COL26A1: variants seen among roughly 807,000 people sequenced by gnomAD.
COL26A1 encodes the protein collagen alpha-1(XXVI) chain.
COL26A1 carries 41 observed loss-of-function variants against 59.3 expected under a neutral mutation model. That is an observed-to-expected ratio of 0.69 (90% confidence interval 0.54 to 0.90). The LOEUF (loss-of-function observed/expected upper bound fraction) is 0.90, where lower values mean the gene tolerates loss of function less well. Ranked by LOEUF, COL26A1 falls within the 40% of genes least tolerant of loss-of-function variation. The pLI is 0.00. For missense variants in COL26A1, 612 were observed against 602.3 expected (o/e 1.02, Z -0.17); for synonymous variants, 266 against 256.0 (o/e 1.04, Z -0.37).
chr7:101,411,917 A>C (rs1319927926), intron 1 of COL26A1, among the ~76,000 whole-genome samples: 2 of 152,162 alleles, frequency 1.3e-5, no homozygotes, highest in African/African-American at 4.8e-5. Context: ...CAACCTGGAC[A>C]ACAGAACAAG....
At chr7:101,397,011 A>G (rs1180068797) in intron 1 of COL26A1, among the ~76,000 whole-genome samples, 1 of 152,166 alleles carries the variant, frequency 6.6e-6, no homozygotes, top group African/African-American at 2.4e-5. Context: ...TGAGGAGCAA[A>G]GACAGGCTCC....
intron 3 of COL26A1, among the ~76,000 whole-genome samples, chr7:101,513,761 A>T (rs1182979881): frequency 6.6e-6 from 1 of 152,244 alleles, no homozygotes; most frequent in East Asian, 1.9e-4. Flanking sequence ...AATAAAAGGC[A>T]AATTGGAAAC....
chr7:101,406,336 TG>T (rs1463818565), intron 1 of COL26A1, among the ~76,000 whole-genome samples: 4 of 152,156 alleles, frequency 2.6e-5, no homozygotes, highest in African/African-American at 7.2e-5. Flanking sequence ...GATCAGGCCA[TG>T]GTGTTACATA....
At chr7:101,528,422 ACCT>A (rs897212499) in intron 3 of COL26A1, among the ~76,000 whole-genome samples, 8 of 151,072 alleles carry the variant, frequency 5.3e-5, no homozygotes, top group Non-Finnish European at 1.0e-4. Flanking sequence ...CCCCATGTCC[ACCT>A]CCTCCTCCTC....
Position 101,534,949 on chromosome 7 carries a change from G to C in COL26A1, c.447+1806G>C, listed in dbSNP as rs181567242. 3.9e-5 allele frequency among the ~76,000 whole-genome samples: 6 copies of C among 152,344 alleles called. No homozygotes were observed. The East Asian group carries it at 1.2e-3, about 29-fold the overall frequency. On this transcript the variant is annotated intron_variant, in intron 4 of 12. Transcript: ENST00000313669. ...TGGTCTAATGCTGACCAGGAGTCAA[G>C]GATTAGTGCTGTCACCCACGCCAGC... is the stretch of plus-strand genomic sequence containing the variant.
chr7:101,460,204 C>CTG (rs1477936989), intron 3 of COL26A1, among the ~76,000 whole-genome samples: 1 of 151,794 alleles, frequency 6.6e-6, no homozygotes, highest in Admixed American at 6.6e-5. Context: ...CCCAGGTGTG[C>CTG]TGTGTGTGTG....
intron 3 of COL26A1, among the ~76,000 whole-genome samples, chr7:101,493,166 A>G (rs1315448438): frequency 6.6e-6 from 1 of 152,220 alleles, no homozygotes; most frequent in African/African-American, 2.4e-5. Flanking sequence ...CTCAAGCCAA[A>G]GTGTGTCTTT....
At chr7:101,367,467 C>T (rs1791073520) in intron 1 of COL26A1, among the ~76,000 whole-genome samples, 1 of 152,042 alleles carries the variant, frequency 6.6e-6, no homozygotes, top group African/African-American at 2.4e-5. Context: ...GAGTTTGAGA[C>T]CAGTCTGGCC....
intron 3 of COL26A1, among the ~76,000 whole-genome samples, chr7:101,468,665 T>C (rs1169769856): frequency 6.6e-6 from 1 of 152,258 alleles, no homozygotes; most frequent in Admixed American, 6.5e-5. Flanking sequence ...TGATGTAGCA[T>C]GTTCGGTGGT....
At chr7:101,460,745 C>G (rs1793590678) in intron 3 of COL26A1, among the ~76,000 whole-genome samples, 1 of 151,674 alleles carries the variant, frequency 6.6e-6, no homozygotes, top group Non-Finnish European at 1.5e-5. Context: ...CATGTCACTG[C>G]ACTCCAGCCT....
At chr7:101,416,080 T>A (rs1792364834) in intron 1 of COL26A1, among the ~76,000 whole-genome samples, 1 of 143,702 alleles carries the variant, frequency 7.0e-6, no homozygotes, top group South Asian at 2.3e-4. Context: ...AATTTTTTTT[T>A]CTTGTTCTTC....
Position 101,549,164 on chromosome 7 carries a change from C to A in COL26A1, c.941-7C>A, listed in dbSNP as rs750559244. 2 of 1,577,084 alleles carry A rather than the reference C, an allele frequency of 1.3e-6. No homozygotes were observed. Among genetic ancestry groups the A allele is most frequent in the Non-Finnish European group, 1.7e-6 (2 of 1,162,578 alleles). ...CCCCAGGTGACCATCTGTGACTCTG[C>A]CCACAGGTCCCCCTGGGCCTCGAGG... On this transcript the variant is annotated splice_region_variant and splice_polypyrimidine_tract_variant and intron_variant, in intron 8 of 12. Coordinates refer to ENST00000313669, the MANE Select transcript of COL26A1 (RefSeq NM_001278563.3).
Position 101,447,704 on chromosome 7 carries a change from C to G in COL26A1, c.302C>G (p.Pro101Arg). The change falls in exon 3 of 13, where the codon CCC (proline) becomes CGC (arginine). Residue 101 changes from proline to arginine, a missense_variant. By Grantham distance (103) the Pro-to-Arg change is moderately radical (BLOSUM62 -2). Transcript: ENST00000313669. Reference sequence around the variant, plus strand: ...GTTAGTTACAGGACTCTGATCAGACCCACCTACAGAGTGTCCTACCGCACG... The same window carrying G: ...GTTAGTTACAGGACTCTGATCAGACGCACCTACAGAGTGTCCTACCGCACG... ...NLVSYRTLIR[P>R]TYRVSYRTVT... 6.2e-7 allele frequency: 1 copy of G among 1,601,896 alleles called. No individual in the cohort carries two copies. The highest frequency in any genetic ancestry group is 8.5e-7 in the Non-Finnish European group (1 of 1,174,232).
chr7:101,417,642 CTATA>C (rs1792406562), intron 1 of COL26A1, among the ~76,000 whole-genome samples: 1 of 34,280 alleles, frequency 2.9e-5, no homozygotes, highest in African/African-American at 4.9e-5. Context: ...AGATATATCT[CTATA>C]TCTAGACATA....
intron 2 of COL26A1, among the ~76,000 whole-genome samples, chr7:101,435,122 C>T (rs1006721258): frequency 2.8e-4 from 43 of 152,190 alleles, no homozygotes; most frequent in Admixed American, 1.9e-3. Flanking sequence ...ATCAGGAGTT[C>T]GAGACCAGCC....
intron 5 of COL26A1, among the ~76,000 whole-genome samples, chr7:101,541,421 T>G (rs1172530743): frequency 6.6e-6 from 1 of 152,146 alleles, no homozygotes; most frequent in Admixed American, 6.6e-5. Flanking sequence ...CATAGTTCAC[T>G]GCAGCCTTCA....
At chr7:101,429,265 A>G (rs1288482229) in intron 2 of COL26A1, among the ~76,000 whole-genome samples, 2 of 151,930 alleles carry the variant, frequency 1.3e-5, no homozygotes, top group Non-Finnish European at 2.9e-5. Context: ...TCTGTTTCAC[A>G]TTTAAATTCA....
At chr7:101,551,225 G>GGT in intron 10 of COL26A1, 82 bp downstream of exon 10, 2 of 339,578 alleles carry the variant, frequency 5.9e-6, no homozygotes, top group Non-Finnish European at 9.6e-6. Context: ...GGTGGCGGGG[G>GGT]TTGGTGGGGG....
intron 1 of COL26A1, among the ~76,000 whole-genome samples, chr7:101,369,568 C>G (rs949588769): frequency 6.8e-6 from 1 of 148,046 alleles, no homozygotes; most frequent in African/African-American, 2.5e-5. Context: ...CCTGCCTCAG[C>G]CTTCTGAGTA....
Sources: gnomAD v4.1 joint callset for allele counts (sites outside exome capture counted in the v4.1 genomes callset) on GRCh38, gnomAD v4.1.1 for gene constraint, MANE v1.5 for transcripts, NCBI Gene and HGNC (gene_info 2026-07-23, HGNC 2026-07-21) for gene names.